Variants in PHF24 observed in about 807,000 individuals in gnomAD.
PHF24 encodes the protein Galpha inhibitory interacting protein.
PHF24 carries 25 observed loss-of-function variants against 42.6 expected under a neutral mutation model. That is an observed-to-expected ratio of 0.59 (90% confidence interval 0.43 to 0.82). PHF24 has a LOEUF of 0.82. PHF24 is among the 40% of genes least tolerant of loss of function. The pLI is 0.00. For missense variants in PHF24, 470 were observed against 538.1 expected, an observed-to-expected ratio of 0.87 and a Z score of 1.25; for synonymous variants, 185 against 204.8, an observed-to-expected ratio of 0.90 and a Z score of 0.83.
At chr9:34,946,425 A>G in the PHF24 span, among the ~76,000 whole-genome samples, 8 of 152,156 alleles carry the variant, frequency 5.3e-5, no homozygotes, top group African/African-American at 2.4e-5. Flanking sequence ...TTTCTAAGTG[A>G]TTGACACTAT....
At chr9:34,972,217 A>G (rs1827017070) in intron 2 of PHF24, 129 bp from the exon 3 acceptor site, 3 of 766,704 alleles carry the variant, frequency 3.9e-6, no homozygotes. Flanking sequence ...CAATGGCTTC[A>G]GTTGGGGCTG....
chr9:34,691,072 A>G, the PHF24 span: 2 of 1,594,250 alleles, frequency 1.3e-6, no homozygotes, highest in East Asian at 2.3e-5. Context: ...TCTGACCCTG[A>G]CTCTCCCTTC....
chr9:34,933,177 A>G, the PHF24 span, among the ~76,000 whole-genome samples: 2 of 152,124 alleles, frequency 1.3e-5, no homozygotes, highest in East Asian at 3.9e-4. Flanking sequence ...ACAATGCCTG[A>G]TAAGTAGTAG....
At chr9:34,832,688 G>C in the PHF24 span, 2 of 1,542,836 alleles carry the variant, frequency 1.3e-6, no homozygotes, top group South Asian at 2.4e-5. Flanking sequence ...ACTCTGTAAG[G>C]CTGGGCTTCT....
chr9:34,684,449 T>C, the PHF24 span, among the ~76,000 whole-genome samples: 1 of 152,016 alleles, frequency 6.6e-6, no homozygotes, highest in African/African-American at 2.4e-5. Context: ...CCCCCTGGAG[T>C]TGTGCAGTGC....
At chr9:34,839,413 C>A in the PHF24 span, among the ~76,000 whole-genome samples, 5 of 152,166 alleles carry the variant, frequency 3.3e-5, no homozygotes, top group African/African-American at 1.2e-4. Context: ...AGCAGAGCAG[C>A]TGTTTTCCAC....
the PHF24 span, among the ~76,000 whole-genome samples, chr9:34,810,341 G>A: frequency 1.3e-5 from 2 of 152,158 alleles, no homozygotes; most frequent in Admixed American, 6.5e-5. Context: ...GAGGTGCTGC[G>A]GGGAACCGCC....
At chr9:34,711,942 ATTTGTTTG>A in the PHF24 span, among the ~76,000 whole-genome samples, 1 of 151,592 alleles carries the variant, frequency 6.6e-6, no homozygotes. Context: ...TTCCTTTAGC[ATTTGTTTG>A]TTTGTTTGTT....
the PHF24 span, among the ~76,000 whole-genome samples, chr9:34,740,705 G>T: frequency 6.6e-6 from 1 of 152,208 alleles, no homozygotes; most frequent in Non-Finnish European, 1.5e-5. Context: ...GTGGGCTGAA[G>T]GGCTCCTCAA....
chr9:34,875,083 T>G, the PHF24 span, among the ~76,000 whole-genome samples: 3 of 152,196 alleles, frequency 2.0e-5, no homozygotes. Context: ...TTTGAACCCA[T>G]GAACCATTTT....
chr9:34,833,326 G>A, the PHF24 span: 1 of 1,551,390 alleles, frequency 6.4e-7, no homozygotes, highest in Non-Finnish European at 8.7e-7. Context: ...AGATCTTGGA[G>A]ACCGAGTGGG....
the PHF24 span, chr9:34,723,112 A>C: frequency 2.4e-6 from 3 of 1,245,260 alleles, no homozygotes; most frequent in South Asian, 1.6e-5. Flanking sequence ...CATTTATGGA[A>C]ATGACAATAC....
At chr9:34,691,272 G>A in the PHF24 span, 3 of 663,730 alleles carry the variant, frequency 4.5e-6, no homozygotes. Context: ...TGTGAGGCTG[G>A]GAATGTGAGC....
intron 1 of PHF24, among the ~76,000 whole-genome samples, chr9:34,967,696 T>C (rs1183275959): frequency 6.6e-6 from 1 of 152,230 alleles, no homozygotes; most frequent in Non-Finnish European, 1.5e-5. Flanking sequence ...TTGAGCAGCA[T>C]CTGGGGACTA....
the PHF24 span, among the ~76,000 whole-genome samples, chr9:34,761,951 G>GT: frequency 3.1e-4 from 47 of 151,958 alleles, 1 homozygote; most frequent in South Asian, 9.6e-3. Context: ...GCGGTGTTTG[G>GT]TTTTTTGTTC....
chr9:34,696,793 T>G, the PHF24 span, among the ~76,000 whole-genome samples: 12 of 152,158 alleles, frequency 7.9e-5, no homozygotes, highest in Admixed American at 1.3e-4. Flanking sequence ...CCTTCCCCTG[T>G]AAACCATGAA....
chr9:34,692,333 A>C, the PHF24 span, among the ~76,000 whole-genome samples: 1 of 152,152 alleles, frequency 6.6e-6, no homozygotes, highest in African/African-American at 2.4e-5. Flanking sequence ...ACCTTGCTTA[A>C]CTTTCCCAAA....
At chr9:34,887,087 G>A in the PHF24 span, among the ~76,000 whole-genome samples, 2 of 152,076 alleles carry the variant, frequency 1.3e-5, no homozygotes, top group Non-Finnish European at 2.9e-5. Flanking sequence ...CCTGCCAGTT[G>A]TTCAGGGCAA....
chr9:34,950,841 A>C, the PHF24 span, among the ~76,000 whole-genome samples: 1 of 152,196 alleles, frequency 6.6e-6, no homozygotes, highest in East Asian at 1.9e-4. Context: ...AGTTTAACAA[A>C]ATTATCAGCA....
Sources: gnomAD v4.1 joint callset for allele counts (sites outside exome capture counted in the v4.1 genomes callset) on GRCh38, gnomAD v4.1.1 for gene constraint, MANE v1.5 for transcripts, NCBI Gene and HGNC (gene_info 2026-07-23, HGNC 2026-07-21) for gene names.